ZBTB20: variants seen among roughly 807,000 people sequenced by gnomAD.
ZBTB20 encodes zinc finger and BTB domain-containing protein 20.
Under a neutral mutation model 56.9 loss-of-function variants are expected in ZBTB20, and 9 were observed. That is an observed-to-expected ratio of 0.16 (90% CI 0.10 to 0.28). The LOEUF (loss-of-function observed/expected upper bound fraction) is 0.28. ZBTB20 is among the 10% of genes least tolerant of loss of function. The pLI, the probability that ZBTB20 is intolerant of heterozygous loss-of-function variation, is 1.00. For missense variants in ZBTB20, 655 were observed against 1,003.0 expected, an observed-to-expected ratio of 0.65 and a Z score of 4.69; for synonymous variants, 417 against 420.7, an observed-to-expected ratio of 0.99 and a Z score of 0.11.
At chr3:114,505,388 G>A (rs192169249) in intron 6 of ZBTB20, among the ~76,000 whole-genome samples, 1 of 152,272 alleles carries the variant, frequency 6.6e-6, no homozygotes. Context: ...ATAGAAAAGG[G>A]AGAGATTATT....
chr3:114,853,248 T>C (rs540879184), intron 4 of ZBTB20, among the ~76,000 whole-genome samples: 16 of 152,322 alleles, frequency 1.1e-4, no homozygotes, highest in Admixed American at 6.5e-4. Context: ...CACTTTCCTG[T>C]TGCATGTAAG....
At chr3:114,797,833 C>G (rs2071427592) in intron 5 of ZBTB20, among the ~76,000 whole-genome samples, 1 of 151,744 alleles carries the variant, frequency 6.6e-6, no homozygotes, top group Admixed American at 6.6e-5. Flanking sequence ...AGACTTAAGG[C>G]CACTAACTTT....
Position 114,350,899 on chromosome 3 carries a change from C to A in ZBTB20, c.1179G>T (p.Gln393His). 6.2e-7 allele frequency: 1 copy of A among 1,606,884 alleles called. No individual in the cohort carries two copies. The highest frequency in any genetic ancestry group is 8.5e-7 in the Non-Finnish European group (1 of 1,179,956). ...IGTEPDSVEQ[Q>H]FGPGAARDSQ... ...TGTCCCGCGCCGCCCCAGGCCCAAA[C>A]TGCTGCTCCACCGAGTCAGGCTCGG... Residue 393 changes from glutamine to histidine, a missense_variant, in exon 11 of 12, where the codon CAG (glutamine) becomes CAT (histidine). Physicochemically the swap from Gln to His is conservative, Grantham distance 24. Transcript: ENST00000675478.
chr3:114,322,207 A>G lies in ZBTB20; in HGVS notation c.*16798T>C, dbSNP rs760871951. ...TAAATGATTTAGCTCACTCTCTTCC[A>G]TGGAAGTTTCTTTCTCTCCATCAGT... is the stretch of plus-strand genomic sequence containing the variant. On this transcript the variant is annotated 3_prime_UTR_variant, in exon 12 of 12. Transcript: ENST00000675478. 14 of 152,282 alleles carry G rather than the reference A, an allele frequency of 9.2e-5. No individual in the cohort carries two copies. The highest frequency in any genetic ancestry group is 1.8e-4 in the Non-Finnish European group (12 of 68,104). The allele number at this position is 152,282 out of a possible 1,614,324, so 9.4% of individuals were successfully genotyped here. A position where few individuals can be genotyped will look rare whatever the true frequency, so the allele number is the denominator to read the frequency against.
intron 3 of ZBTB20, among the ~76,000 whole-genome samples, chr3:114,908,983 G>A (rs2075422454): frequency 6.6e-6 from 1 of 151,322 alleles, no homozygotes; most frequent in South Asian, 2.1e-4. Flanking sequence ...ATTTAAGAAT[G>A]AAAAAAAATA....
At chr3:114,766,817 T>G (rs557000807) in intron 5 of ZBTB20, among the ~76,000 whole-genome samples, 1 of 152,188 alleles carries the variant, frequency 6.6e-6, no homozygotes, top group Non-Finnish European at 1.5e-5. Context: ...ACAAGAAAAC[T>G]GCTTTGCAAC....
At chr3:114,891,594 C>A (rs967581527) in intron 4 of ZBTB20, among the ~76,000 whole-genome samples, 7 of 152,154 alleles carry the variant, frequency 4.6e-5, no homozygotes, top group African/African-American at 1.7e-4. Flanking sequence ...AACTTTGTAA[C>A]ATAAGCTATA....
intron 4 of ZBTB20, among the ~76,000 whole-genome samples, chr3:114,822,749 G>A (rs962244434): frequency 6.6e-6 from 1 of 152,034 alleles, no homozygotes; most frequent in African/African-American, 2.4e-5. Flanking sequence ...AAAGTGCTTT[G>A]TACATAGTAA....
chr3:114,625,519 G>A (rs1054492504), intron 6 of ZBTB20, among the ~76,000 whole-genome samples: 1 of 152,144 alleles, frequency 6.6e-6, no homozygotes, highest in African/African-American at 2.4e-5. Context: ...ATATGAGTCT[G>A]ATATCTCAAA....
intron 1 of ZBTB20, among the ~76,000 whole-genome samples, chr3:115,095,642 T>C (rs1490457724): frequency 6.6e-6 from 1 of 152,176 alleles, no homozygotes; most frequent in Admixed American, 6.5e-5. Flanking sequence ...CCGGCTGTAG[T>C]GGTTACTACA....
Position 115,089,308 on chromosome 3 carries a change from T to C in ZBTB20, c.-702-17894A>G, listed in dbSNP as rs1299671997. Among the ~76,000 whole-genome samples, 3 of 151,912 alleles carry C rather than the reference T, an allele frequency of 2.0e-5. No homozygotes were observed. The East Asian group carries it at 5.8e-4, about 29-fold the overall frequency. On this transcript the variant is annotated intron_variant, in intron 1 of 11. Coordinates refer to ENST00000675478, the MANE Select transcript of ZBTB20 (RefSeq NM_001348800.3). ...ATTCTAAATCTTTCTTTCCTCATCT[T>C]TAAATAGGGTTAAGAAATACTTCAT...
At chr3:115,146,676 C>T (rs1014135678) in intron 1 of ZBTB20, among the ~76,000 whole-genome samples, 5 of 152,276 alleles carry the variant, frequency 3.3e-5, no homozygotes, top group Admixed American at 3.3e-4. Flanking sequence ...TCCTGCCCCC[C>T]AGTTCTCTGA....
chr3:114,406,781 T>C (rs1377097982), intron 7 of ZBTB20, among the ~76,000 whole-genome samples: 3 of 152,120 alleles, frequency 2.0e-5, no homozygotes, highest in East Asian at 3.9e-4. Flanking sequence ...TGAAAAAGGA[T>C]ATAAAAAAGC....
chr3:114,785,876 C>A (rs1030266687), intron 5 of ZBTB20, among the ~76,000 whole-genome samples: 3 of 152,114 alleles, frequency 2.0e-5, no homozygotes, highest in Admixed American at 6.6e-5. Flanking sequence ...ATTTGATCAC[C>A]ATAAGTTATT....
chr3:114,709,311 C>G (rs552564578), intron 5 of ZBTB20, among the ~76,000 whole-genome samples: 2 of 152,218 alleles, frequency 1.3e-5, no homozygotes, highest in East Asian at 3.9e-4. Flanking sequence ...TTCTTACTCA[C>G]CCCTACACCC....
At chr3:115,146,757 G>T (rs544512424) in intron 1 of ZBTB20, among the ~76,000 whole-genome samples, 1 of 152,260 alleles carries the variant, frequency 6.6e-6, no homozygotes, top group African/African-American at 2.4e-5. Context: ...GAAGACAAGC[G>T]GGCGCCTCTA....
intron 8 of ZBTB20, chr3:114,388,536 GGCA>G (rs2085429131): frequency 6.6e-6 from 1 of 152,522 alleles, no homozygotes; most frequent in Non-Finnish European, 1.5e-5. Flanking sequence ...CCAAGGGAAG[GGCA>G]GCAAGGAGAC....
chr3:114,517,669 C>T (rs558379042), intron 6 of ZBTB20, among the ~76,000 whole-genome samples: 2 of 151,938 alleles, frequency 1.3e-5, no homozygotes, highest in South Asian at 2.1e-4. Context: ...CTCTGCCTCC[C>T]GGGTTCAAGC....
intron 3 of ZBTB20, 149 bp downstream of exon 3, chr3:114,974,216 AC>A (rs1165367082): frequency 2.0e-5 from 3 of 152,086 alleles, no homozygotes; most frequent in Non-Finnish European, 4.4e-5. Flanking sequence ...TTTTAGGTAT[AC>A]ATAGAAAAAG....
Sources: gnomAD v4.1 joint callset for allele counts (sites outside exome capture counted in the v4.1 genomes callset) on GRCh38, gnomAD v4.1.1 for gene constraint, MANE v1.5 for transcripts, NCBI Gene and HGNC (gene_info 2026-07-23, HGNC 2026-07-21) for gene names.